The following NCKAP5 variants were observed in gnomAD, a reference collection of about 807,000 sequenced individuals.
NCKAP5 encodes the protein NCK associated protein 5, also known as nck-associated protein 5.
NCKAP5 carries 92 observed loss-of-function variants against 167.0 expected under a neutral mutation model. The observed-to-expected ratio is 0.55, with a 90% CI of 0.47 to 0.66. The LOEUF is 0.66. NCKAP5 is among the 30% of genes least tolerant of loss of function. The probability of loss-of-function intolerance (pLI) is 0.00; values close to 1 mark genes in which losing one functional copy is unlikely to be tolerated. For synonymous variants in NCKAP5, 891 were observed against 877.4 expected (o/e 1.02, Z -0.27); for missense variants, 2,378 against 2,315.0 (o/e 1.03, Z -0.56).
rs1685400339 is a variant in NCKAP5, at chr2:133,365,522, C to G, written c.70-62412G>C. On this transcript the variant is annotated intron_variant, in intron 3 of 19. Transcript: ENST00000409261. ...TCTAGAATTCTGCCATTATACTTAG[C>G]CTACACACACACACACACACACGTA... is the stretch of plus-strand genomic sequence containing the variant. Among the ~76,000 whole-genome samples, 5 of 137,306 alleles carry G rather than the reference C, an allele frequency of 3.6e-5. No individual in the cohort carries two copies. In the South Asian group the frequency reaches 1.1e-3, roughly 32 times the overall value. 90.1% of individuals were successfully genotyped at this position (137,306 alleles called of 152,430 possible). A position where few individuals can be genotyped will look rare whatever the true frequency, so the allele number is the denominator to read the frequency against.
chr2:132,700,932 G>C (rs141496164), intron 19 of NCKAP5, among the ~76,000 whole-genome samples: 58,138 of 122,384 alleles, frequency 0.48, 13,398 homozygotes, highest in East Asian at 0.61. Flanking sequence ...CCCCTGGGCG[G>C]GGGGGGGGGC....
At chr2:133,443,024 A>G (rs754079545) in intron 3 of NCKAP5, among the ~76,000 whole-genome samples, 1 of 152,222 alleles carries the variant, frequency 6.6e-6, no homozygotes, top group Non-Finnish European at 1.5e-5. Flanking sequence ...TAGTCCACAA[A>G]ACATATTTGC....
At chr2:133,202,583 C>G (rs2085746266) in intron 5 of NCKAP5, among the ~76,000 whole-genome samples, 1 of 152,106 alleles carries the variant, frequency 6.6e-6, no homozygotes, top group African/African-American at 2.4e-5. Context: ...AGGAAACTAC[C>G]ATCAGAGTGA....
chr2:133,460,976 A>C (rs1692164682), intron 3 of NCKAP5, among the ~76,000 whole-genome samples: 1 of 152,216 alleles, frequency 6.6e-6, no homozygotes, highest in Non-Finnish European at 1.5e-5. Context: ...ATCTATTAAA[A>C]TGATTTTTCT....
chr2:132,865,409 C>T (rs1690262346), intron 10 of NCKAP5, among the ~76,000 whole-genome samples: 1 of 152,160 alleles, frequency 6.6e-6, no homozygotes, highest in Admixed American at 6.5e-5. Flanking sequence ...GGATTAAATA[C>T]TCACCAAGGC....
At chr2:133,334,019 A>G (rs1365327810) in intron 3 of NCKAP5, 2 of 152,260 alleles carry the variant, frequency 1.3e-5, no homozygotes, top group African/African-American at 2.4e-5. Context: ...TAAGGGCTAT[A>G]GGAGGGACTC....
chr2:133,449,555 C>T (rs1487853773), intron 3 of NCKAP5, among the ~76,000 whole-genome samples: 1 of 152,114 alleles, frequency 6.6e-6, no homozygotes, highest in Non-Finnish European at 1.5e-5. Flanking sequence ...TCCTTTTCCA[C>T]CTTGAGAATT....
chr2:133,409,066 C>T (rs1688619659), intron 3 of NCKAP5, among the ~76,000 whole-genome samples: 1 of 152,228 alleles, frequency 6.6e-6, no homozygotes, highest in Non-Finnish European at 1.5e-5. Flanking sequence ...CTTAAAAGCA[C>T]ATTTGCCATA....
At chr2:132,919,907 A>C (rs1361891320) in intron 8 of NCKAP5, among the ~76,000 whole-genome samples, 5 of 152,192 alleles carry the variant, frequency 3.3e-5, no homozygotes, top group Non-Finnish European at 7.3e-5. Flanking sequence ...AGTTATGAAG[A>C]GAGGCCAAGT....
intron 7 of NCKAP5, among the ~76,000 whole-genome samples, chr2:132,989,694 G>C (rs2077395781): frequency 6.6e-6 from 1 of 152,144 alleles, no homozygotes; most frequent in African/African-American, 2.4e-5. Flanking sequence ...TTTGTGACCT[G>C]AGATTTTAGA....
At chr2:132,927,986 ATC>A (rs1696046668) in intron 8 of NCKAP5, among the ~76,000 whole-genome samples, 1 of 152,186 alleles carries the variant, frequency 6.6e-6, no homozygotes, top group Non-Finnish European at 1.5e-5. Flanking sequence ...TATAAAATAT[ATC>A]TGTTTCTTAA....
chr2:132,895,639 A>AG (rs1372741285), intron 8 of NCKAP5, among the ~76,000 whole-genome samples: 6 of 151,992 alleles, frequency 3.9e-5, no homozygotes, highest in South Asian at 4.1e-4. Context: ...GGTGCTGATG[A>AG]TTACTATGTG....
chr2:133,642,118 G>A, the NCKAP5 span, among the ~76,000 whole-genome samples: 1 of 152,168 alleles, frequency 6.6e-6, no homozygotes, highest in Non-Finnish European at 1.5e-5. Context: ...CGTGGCAAGA[G>A]AGGACGCAAG....
intron 3 of NCKAP5, among the ~76,000 whole-genome samples, chr2:133,379,081 T>C (rs1305421676): frequency 6.6e-6 from 1 of 152,236 alleles, no homozygotes; most frequent in East Asian, 1.9e-4. Flanking sequence ...CTTTGTATAA[T>C]GATAGAACTC....
At chr2:133,175,121 C>CT (rs149577574) in intron 5 of NCKAP5, among the ~76,000 whole-genome samples, 2 of 151,968 alleles carry the variant, frequency 1.3e-5, no homozygotes, top group African/African-American at 2.4e-5. Flanking sequence ...AACTACTGAA[C>CT]TTTTTTTTCA....
intron 6 of NCKAP5, among the ~76,000 whole-genome samples, chr2:133,029,176 A>C (rs150781636): frequency 1.3e-5 from 2 of 152,322 alleles, no homozygotes; most frequent in East Asian, 3.9e-4. Flanking sequence ...ATGACAGATG[A>C]GTGACTCTCC....
chr2:132,687,750 C>CACAT (rs1350919470), intron 19 of NCKAP5, among the ~76,000 whole-genome samples: 1 of 150,190 alleles, frequency 6.7e-6, no homozygotes, highest in Non-Finnish European at 1.5e-5. Flanking sequence ...CACACACACA[C>CACAT]ACACACCCTT....
intron 4 of NCKAP5, among the ~76,000 whole-genome samples, chr2:133,269,623 A>C (rs2089417932): frequency 6.6e-6 from 1 of 152,182 alleles, no homozygotes; most frequent in Non-Finnish European, 1.5e-5. Flanking sequence ...GGCTTAGAAG[A>C]CAGATCACTG....
intron 19 of NCKAP5, among the ~76,000 whole-genome samples, chr2:132,685,413 C>T (rs1382521258): frequency 6.6e-6 from 1 of 152,164 alleles, no homozygotes; most frequent in Non-Finnish European, 1.5e-5. Context: ...CAACAGGACT[C>T]CTGGGGCAGC....
Sources: gnomAD v4.1 joint callset for allele counts (sites outside exome capture counted in the v4.1 genomes callset) on GRCh38, gnomAD v4.1.1 for gene constraint, MANE v1.5 for transcripts, NCBI Gene and HGNC (gene_info 2026-07-23, HGNC 2026-07-21) for gene names.